ADGRV1: variants seen among roughly 807,000 people sequenced by gnomAD.
The protein encoded by ADGRV1 is G-protein coupled receptor 98.
ADGRV1 carries 359 observed loss-of-function variants against 596.2 expected under a neutral mutation model. That is an observed-to-expected ratio of 0.60 (90% confidence interval 0.55 to 0.66). The LOEUF (loss-of-function observed/expected upper bound fraction) is 0.66. Ranked by LOEUF, ADGRV1 falls within the 30% of genes least tolerant of loss-of-function variation. The pLI, the probability that ADGRV1 is intolerant of heterozygous loss-of-function variation, is 0.00. For synonymous variants in ADGRV1, 2,681 were observed against 2,679.2 expected, an observed-to-expected ratio of 1.00 and a Z score of -0.02; for missense variants, 7,274 against 7,575.6, an observed-to-expected ratio of 0.96 and a Z score of 1.48.
intron 85 of ADGRV1, among the ~76,000 whole-genome samples, chr5:91,068,906 A>T (rs1788128281): frequency 6.6e-6 from 1 of 152,206 alleles, no homozygotes; most frequent in Non-Finnish European, 1.5e-5. Flanking sequence ...AAAAGGCTAT[A>T]GTAACCAAAA....
At chr5:90,651,970 C>T (rs1440871378) in intron 18 of ADGRV1, among the ~76,000 whole-genome samples, 1 of 150,758 alleles carries the variant, frequency 6.6e-6, no homozygotes, top group Non-Finnish European at 1.5e-5. Context: ...AAACTTCAAT[C>T]CTTTGTGAGA....
intron 11 of ADGRV1, 63 bp downstream of exon 11, chr5:90,638,011 A>AT (rs72382716): frequency 2.8e-3 from 3,013 of 1,080,022 alleles, no homozygotes; most frequent in Non-Finnish European, 3.3e-3. Context: ...AATAACTTTG[A>AT]TTTTTTTTTT....
chr5:90,795,145 C>G (rs1760547853), intron 70 of ADGRV1, among the ~76,000 whole-genome samples: 1 of 141,832 alleles, frequency 7.1e-6, no homozygotes, highest in Non-Finnish European at 1.5e-5. Flanking sequence ...GCCAGCGAGA[C>G]AGAACCGTTC....
chr5:90,785,538 A>G (rs1759343150), intron 67 of ADGRV1, among the ~76,000 whole-genome samples: 1 of 152,190 alleles, frequency 6.6e-6, no homozygotes, highest in Non-Finnish European at 1.5e-5. Context: ...GAATCTACAA[A>G]GAACTCAAAC....
At chr5:90,795,691 T>C (rs1458705052) in intron 70 of ADGRV1, among the ~76,000 whole-genome samples, 2 of 152,216 alleles carry the variant, frequency 1.3e-5, no homozygotes, top group Non-Finnish European at 2.9e-5. Context: ...GACCCCCGTG[T>C]ATCCTGACTG....
chr5:90,826,649 G>T (rs894059281), intron 76 of ADGRV1, among the ~76,000 whole-genome samples: 2 of 151,790 alleles, frequency 1.3e-5, no homozygotes, highest in East Asian at 3.9e-4. Context: ...TGGAGATGGA[G>T]CCCGAGGGAA....
At chr5:90,854,550 G>A (rs1330116661) in intron 81 of ADGRV1, among the ~76,000 whole-genome samples, 1 of 152,180 alleles carries the variant, frequency 6.6e-6, no homozygotes, top group African/African-American at 2.4e-5. Flanking sequence ...ATCTGGGCTT[G>A]TGGTTCTGGA....
intron 79 of ADGRV1, among the ~76,000 whole-genome samples, chr5:90,849,389 A>G (rs1312370796): frequency 6.6e-6 from 1 of 152,122 alleles, no homozygotes; most frequent in Admixed American, 6.5e-5. Flanking sequence ...CTCTATATTA[A>G]CTATATATAT....
At chr5:90,560,639 T>G (rs1754696238) in intron 1 of ADGRV1, among the ~76,000 whole-genome samples, 1 of 151,966 alleles carries the variant, frequency 6.6e-6, no homozygotes, top group African/African-American at 2.4e-5. Context: ...ACTATAAGAG[T>G]CTATAATGGG....
At chr5:90,800,479 G>A (rs181679881) in intron 70 of ADGRV1, among the ~76,000 whole-genome samples, 17 of 151,792 alleles carry the variant, frequency 1.1e-4, no homozygotes, top group Middle Eastern at 6.8e-3. Flanking sequence ...GTTGGTGGGA[G>A]TGTACATTAG....
intron 1 of ADGRV1, among the ~76,000 whole-genome samples, chr5:90,570,450 T>C (rs540421971): frequency 6.6e-6 from 1 of 152,280 alleles, no homozygotes; most frequent in South Asian, 2.1e-4. Context: ...CTTAGATATG[T>C]AGATTAATGT....
intron 88 of ADGRV1, among the ~76,000 whole-genome samples, chr5:91,150,693 C>G (rs1229475313): frequency 6.6e-6 from 1 of 152,152 alleles, no homozygotes; most frequent in Non-Finnish European, 1.5e-5. Context: ...GAAATTAAGC[C>G]AAACCTCTTT....
At position 91,102,200 on chromosome 5, in the gene ADGRV1, C is replaced by CTT; in HGVS notation, c.18311-10_18311-9dup. On this transcript the variant is annotated intron_variant, in intron 86 of 89. Coordinates refer to ENST00000405460, the MANE Select transcript of ADGRV1 (RefSeq NM_032119.4). ...TGCAGTATTCTGAAGCTCAAAAATTCTTTTTTTTTTATTTCTAGAAATTCC... is the reference window on the plus strand; with the variant it reads ...TGCAGTATTCTGAAGCTCAAAAATTCTTTTTTTTTTTTATTTCTAGAAATTCC... 4.2e-6 allele frequency: 6 copies of CTT among 1,414,782 alleles called. No individual in the cohort carries two copies. The highest frequency in any genetic ancestry group is 5.8e-6 in the Non-Finnish European group (6 of 1,040,474). The allele number at this position is 1,414,782 out of a possible 1,614,324, so 87.6% of individuals were successfully genotyped here.
chr5:90,993,757 G>C (rs1781170438), intron 85 of ADGRV1, among the ~76,000 whole-genome samples: 1 of 151,796 alleles, frequency 6.6e-6, no homozygotes, highest in South Asian at 2.1e-4. Context: ...GAAACTTCTT[G>C]GATGTGTGGA....
At chr5:90,911,767 A>G (rs903045924) in intron 83 of ADGRV1, among the ~76,000 whole-genome samples, 4 of 152,052 alleles carry the variant, frequency 2.6e-5, no homozygotes, top group African/African-American at 9.7e-5. Flanking sequence ...GCATCTTTAG[A>G]AGATTATAAG....
At chr5:90,950,922 A>G (rs551148280) in intron 83 of ADGRV1, among the ~76,000 whole-genome samples, 29 of 152,196 alleles carry the variant, frequency 1.9e-4, no homozygotes, top group African/African-American at 6.0e-4. Context: ...AATTAAAAAA[A>G]CAATGATGAA....
rs552710412 is a variant in ADGRV1, at chr5:90,706,427, G to C, written c.8730+33G>C. 4.8e-5 allele frequency: 72 copies of C among 1,498,994 alleles called. No individual in the cohort carries two copies. The African/African-American group carries it at 9.4e-4, about 20-fold the overall frequency. The allele number at this position is 1,498,994 out of a possible 1,614,324, so 92.9% of individuals were successfully genotyped here. On this transcript the variant is annotated intron_variant, in intron 38 of 89. Transcript: ENST00000405460. Reference sequence around the variant, plus strand: ...TCTTTTTTTTTTTTAATCTTAGGGGGAGATAGTTTAATAAGTTTTTTTTAT... The same window carrying C: ...TCTTTTTTTTTTTTAATCTTAGGGGCAGATAGTTTAATAAGTTTTTTTTAT...
At chr5:90,604,769 T>C (rs1261722623) in intron 1 of ADGRV1, among the ~76,000 whole-genome samples, 1 of 152,218 alleles carries the variant, frequency 6.6e-6, no homozygotes, top group East Asian at 1.9e-4. Context: ...TCTTACTACT[T>C]GACAGAGACA....
At chr5:91,035,867 A>ATATATATATAATATATATAATATATATAT (rs1562121965) in intron 85 of ADGRV1, among the ~76,000 whole-genome samples, 3 of 122,740 alleles carry the variant, frequency 2.4e-5, no homozygotes, top group East Asian at 4.2e-4. Flanking sequence ...TATATTATAT[A>ATATATATATAATATATATAATATATATAT]TATATATATA....
Sources: gnomAD v4.1 joint callset for allele counts (sites outside exome capture counted in the v4.1 genomes callset) on GRCh38, gnomAD v4.1.1 for gene constraint, MANE v1.5 for transcripts, NCBI Gene and HGNC (gene_info 2026-07-23, HGNC 2026-07-21) for gene names.